The following SFXN1 variants were observed in gnomAD, a reference collection of about 807,000 sequenced individuals.
SFXN1 encodes the protein sideroflexin 1.
SFXN1 carries 32 observed loss-of-function variants against 39.5 expected under a neutral mutation model. The observed-to-expected ratio is 0.81, with a 90% CI of 0.61 to 1.09. The LOEUF (loss-of-function observed/expected upper bound fraction) is 1.09, where lower values mean the gene tolerates loss of function less well. Among genes scored for constraint, SFXN1 ranks in the 50% least tolerant of loss-of-function variants. The pLI, the probability that SFXN1 is intolerant of heterozygous loss-of-function variation, is 0.00. For missense variants in SFXN1, 402 were observed against 407.1 expected, an observed-to-expected ratio of 0.99 and a Z score of 0.11; for synonymous variants, 136 against 146.5, an observed-to-expected ratio of 0.93 and a Z score of 0.52.
chr5:175,511,453 A>G lies in SFXN1; in HGVS notation c.437A>G (p.Glu146Gly). 1 of 1,613,792 alleles carries G rather than the reference A, an allele frequency of 6.2e-7. No individual in the cohort carries two copies. The highest frequency in any genetic ancestry group is 8.5e-7 in the Non-Finnish European group (1 of 1,179,852). Residue 146 changes from glutamate to glycine, a missense_variant and splice_region_variant, in exon 5 of 11, where the codon GAG (glutamate) becomes GGG (glycine). By Grantham distance (98) the Glu-to-Gly change is moderately conservative. Transcript: ENST00000321442. ...RSGDAPLTVN[E>G]LGTAYVSATT... ...ACGATATCCTTTTTTCTTTTCAGTG[A>G]GTTGGGAACAGCTTACGTTTCTGCA...
At chr5:175,488,593 C>A (rs888679876) in intron 1 of SFXN1, among the ~76,000 whole-genome samples, 2 of 152,144 alleles carry the variant, frequency 1.3e-5, no homozygotes, top group African/African-American at 4.8e-5. Flanking sequence ...GCCACCACGC[C>A]CGGCCGACAC....
chr5:175,525,485 A>AT (rs757618038), intron 10 of SFXN1, among the ~76,000 whole-genome samples: 24 of 152,018 alleles, frequency 1.6e-4, no homozygotes, highest in Non-Finnish European at 2.8e-4. Context: ...CCATCATGGG[A>AT]TTTTTTTTCC....
In SFXN1 at chr5:175,513,513, G is replaced by A. The variant is rs781228529; in HGVS notation, c.647G>A (p.Gly216Glu). 2 of 1,613,948 alleles carry A rather than the reference G, an allele frequency of 1.2e-6. No individual in the cohort carries two copies. Among genetic ancestry groups the A allele is most frequent in the South Asian group, 1.1e-5 (1 of 91,074 alleles). Reference protein sequence around the residue: ...PVTDENGNRLGESANAAKQAI... With the variant: ...PVTDENGNRLEESANAAKQAI... Reference sequence around the variant, plus strand: ...ACGGATGAGAATGGGAACCGCTTGGGGGAGTCGGCGAACGCTGCGAAACAA... The same window carrying A: ...ACGGATGAGAATGGGAACCGCTTGGAGGAGTCGGCGAACGCTGCGAAACAA... The change falls in exon 7 of 11, where the codon GGG (glycine) becomes GAG (glutamate). Residue 216 changes from glycine (G) to glutamate (E), a missense_variant. Gly to Glu is a moderately conservative substitution (Grantham distance 98). Coordinates refer to ENST00000321442, the MANE Select transcript of SFXN1 (RefSeq NM_022754.7).
At chr5:175,481,555 C>G (rs984195552) in intron 1 of SFXN1, among the ~76,000 whole-genome samples, 1 of 152,184 alleles carries the variant, frequency 6.6e-6, no homozygotes, top group Non-Finnish European at 1.5e-5. Context: ...ACCTCATGAT[C>G]CGCCCACCTC....
At chr5:175,524,119 AAAAAAAATAT>A (rs1341077192) in intron 10 of SFXN1, 2 of 38,616 alleles carry the variant, frequency 5.2e-5, no homozygotes, top group Non-Finnish European at 8.4e-5. Flanking sequence ...AAAAAAAAAA[AAAAAAAATAT>A]ATATATATAT....
Position 175,510,186 on chromosome 5 carries a change from G to A in SFXN1, c.413G>A (p.Gly138Glu). 3.1e-6 allele frequency: 5 copies of A among 1,612,892 alleles called. No homozygotes were observed. The highest frequency in any genetic ancestry group is 4.2e-6 in the Non-Finnish European group (5 of 1,179,502). The change falls in exon 4 of 11, where the codon GGA becomes GAA. Residue 138 changes from glycine to glutamate, a missense_variant. Transcript: ENST00000321442. Reference protein sequence around the residue: ...NAVVNYTNRSGDAPLTVNELG... With the variant: ...NAVVNYTNRSEDAPLTVNELG... Reference sequence around the variant, plus strand: ...GTCGTCAATTACACCAACAGAAGTGGAGACGCACCCCTCACTGTCAAGTAA... The same window carrying A: ...GTCGTCAATTACACCAACAGAAGTGAAGACGCACCCCTCACTGTCAAGTAA...
intron 2 of SFXN1, among the ~76,000 whole-genome samples, chr5:175,506,538 T>C (rs1158245796): frequency 1.3e-5 from 2 of 152,238 alleles, no homozygotes; most frequent in African/African-American, 4.8e-5. Flanking sequence ...GTTTATTTAC[T>C]TCCTCATCCT....
At chr5:175,504,486 A>G (rs1760212650) in intron 2 of SFXN1, among the ~76,000 whole-genome samples, 1 of 151,630 alleles carries the variant, frequency 6.6e-6, no homozygotes, top group Non-Finnish European at 1.5e-5. Context: ...GAGGCAGGAG[A>G]ATCGCTTGAA....
At chr5:175,488,740 C>T (rs1299394646) in intron 1 of SFXN1, among the ~76,000 whole-genome samples, 1 of 152,150 alleles carries the variant, frequency 6.6e-6, no homozygotes, top group Non-Finnish European at 1.5e-5. Flanking sequence ...ATGAGACGTG[C>T]CTTGACTACA....
At chr5:175,512,885 G>A (rs959192205) in intron 6 of SFXN1, among the ~76,000 whole-genome samples, 1 of 152,160 alleles carries the variant, frequency 6.6e-6, no homozygotes, top group African/African-American at 2.4e-5. Context: ...ATTGAAGTTA[G>A]TGTGTCCACC....
intron 1 of SFXN1, among the ~76,000 whole-genome samples, chr5:175,487,366 G>T (rs1205371025): frequency 6.6e-6 from 1 of 152,174 alleles, no homozygotes; most frequent in African/African-American, 2.4e-5. Flanking sequence ...GAGGTTTAAC[G>T]TGTTGTTCCT....
intron 2 of SFXN1, among the ~76,000 whole-genome samples, chr5:175,496,191 C>T (rs1238886444): frequency 6.6e-6 from 1 of 152,018 alleles, no homozygotes; most frequent in Non-Finnish European, 1.5e-5. Flanking sequence ...AGCCACCACT[C>T]CCGGCCTTAA....
chr5:175,518,160 T>C (rs183481841), intron 8 of SFXN1, among the ~76,000 whole-genome samples: 1 of 152,212 alleles, frequency 6.6e-6, no homozygotes, highest in East Asian at 1.9e-4. Flanking sequence ...CTGTGAACAG[T>C]TTTCTTGAAG....
intron 2 of SFXN1, among the ~76,000 whole-genome samples, chr5:175,506,183 A>G (rs1290376895): frequency 6.6e-6 from 1 of 152,214 alleles, no homozygotes; most frequent in Admixed American, 6.5e-5. Context: ...GAAAACAACT[A>G]TTCTGAGAAT....
intron 2 of SFXN1, among the ~76,000 whole-genome samples, chr5:175,500,396 G>C (rs1760026568): frequency 8.3e-6 from 1 of 120,816 alleles, no homozygotes; most frequent in Non-Finnish European, 1.7e-5. Flanking sequence ...TAAAATGCCT[G>C]TACACCAACA....
chr5:175,507,674 C>T (rs948983467), intron 2 of SFXN1, among the ~76,000 whole-genome samples: 1 of 151,490 alleles, frequency 6.6e-6, no homozygotes, highest in Non-Finnish European at 1.5e-5. Context: ...ATTTTTTTTT[C>T]ATCAAGAGTC....
intron 1 of SFXN1, among the ~76,000 whole-genome samples, chr5:175,478,974 C>T (rs910097122): frequency 6.6e-6 from 1 of 151,852 alleles, no homozygotes; most frequent in Non-Finnish European, 1.5e-5. Flanking sequence ...GCCTGCGTGG[C>T]GAACTCGCTC....
intron 2 of SFXN1, among the ~76,000 whole-genome samples, chr5:175,506,296 C>T: frequency 6.6e-6 from 1 of 152,008 alleles, no homozygotes; most frequent in African/African-American, 2.4e-5. Flanking sequence ...GATAACACAA[C>T]CAAAAAAATA....
At chr5:175,484,930 T>C (rs1430319623) in intron 1 of SFXN1, among the ~76,000 whole-genome samples, 2 of 152,238 alleles carry the variant, frequency 1.3e-5, no homozygotes, top group African/African-American at 4.8e-5. Context: ...GCTCCTGTTT[T>C]TTAAAAATGG....
Sources: gnomAD v4.1 joint callset for allele counts (sites outside exome capture counted in the v4.1 genomes callset) on GRCh38, gnomAD v4.1.1 for gene constraint, MANE v1.5 for transcripts, NCBI Gene and HGNC (gene_info 2026-07-23, HGNC 2026-07-21) for gene names.